MAN1A2: variants seen among roughly 807,000 people sequenced by gnomAD.
MAN1A2 encodes the protein mannosidase alpha class 1A member 2.
In MAN1A2, 26 loss-of-function variants were observed where a neutral mutation model predicts 75.7. The observed-to-expected ratio is 0.34, with a 90% CI of 0.25 to 0.48. MAN1A2 has a LOEUF of 0.48. MAN1A2 is among the 20% of genes least tolerant of loss of function. MAN1A2 has a pLI of 0.99. For missense variants in MAN1A2, 562 were observed against 775.5 expected (o/e 0.72, Z 3.27); for synonymous variants, 247 against 264.6 (o/e 0.93, Z 0.65).
At chr1:117,445,033 A>G (rs1042059827) in intron 6 of MAN1A2, among the ~76,000 whole-genome samples, 4 of 152,066 alleles carry the variant, frequency 2.6e-5, no homozygotes, top group African/African-American at 7.2e-5. Context: ...ATTTCCTTCT[A>G]TTCCTATTTC....
In MAN1A2 at chr1:117,460,669, C is replaced by G. The variant is rs1476959666; in HGVS notation, c.1074+57C>G. ...TTATAAAGAGTCCTTTAAGATTGGCCCAAAGATTTGATTAATGCTTAAAAG... is the reference window on the plus strand; with the variant it reads ...TTATAAAGAGTCCTTTAAGATTGGCGCAAAGATTTGATTAATGCTTAAAAG... On this transcript the variant is annotated intron_variant, in intron 7 of 12. Transcript: ENST00000356554. The G allele has an allele frequency of 7.3e-6, 11 of 1,501,244 alleles. No individual in the cohort carries two copies. The East Asian group carries it at 2.6e-4, about 36-fold the overall frequency. 93.0% of individuals were successfully genotyped at this position (1,501,244 alleles called of 1,614,324 possible).
rs551505802 is a variant in MAN1A2 at position 117,524,128 on chromosome 1, A to G, written c.*1171A>G. On this transcript the variant is annotated 3_prime_UTR_variant, in exon 13 of 13. Coordinates refer to ENST00000356554, the MANE Select transcript of MAN1A2 (RefSeq NM_006699.5). The stretch of plus-strand genomic sequence containing the variant: ...TGTTTTTTTAATTTTCTCCAAGAAT[A>G]TTTATAGAATTCCAAAGAATCAGAA... 9.2e-5 allele frequency: 14 copies of G among 152,264 alleles called. No homozygotes were observed. Among genetic ancestry groups the G allele is most frequent in the African/African-American group, 2.2e-4 (9 of 41,476 alleles). The allele number at this position is 152,264 out of a possible 1,614,324, so 9.4% of individuals were successfully genotyped here.
At chr1:117,393,840 GGATGTGAAT>G (rs1653815304) in intron 1 of MAN1A2, among the ~76,000 whole-genome samples, 1 of 152,094 alleles carries the variant, frequency 6.6e-6, no homozygotes, top group African/African-American at 2.4e-5. Context: ...AGGTAGTAAT[GGATGTGAAT>G]GAAAGCTGAT....
chr1:117,514,181 G>A (rs1314786239), intron 12 of MAN1A2, among the ~76,000 whole-genome samples: 2 of 151,816 alleles, frequency 1.3e-5, no homozygotes, highest in African/African-American at 4.8e-5. Context: ...TGGCCAACAT[G>A]GTGAAACCCC....
At chr1:117,414,022 T>C (rs954684560) in intron 3 of MAN1A2, among the ~76,000 whole-genome samples, 1 of 151,890 alleles carries the variant, frequency 6.6e-6, no homozygotes, top group African/African-American at 2.4e-5. Context: ...TTCCCTCTCT[T>C]CCTCCCTTTC....
intron 12 of MAN1A2, chr1:117,515,807 G>C (rs1213208022): frequency 6.6e-6 from 1 of 152,110 alleles, no homozygotes; most frequent in Non-Finnish European, 1.5e-5. Flanking sequence ...TTGGTTACCA[G>C]GGACCTGGGG....
At chr1:117,371,249 T>C (rs1436402988) in intron 1 of MAN1A2, among the ~76,000 whole-genome samples, 1 of 152,232 alleles carries the variant, frequency 6.6e-6, no homozygotes, top group Non-Finnish European at 1.5e-5. Flanking sequence ...AGAAGTATAC[T>C]AGGATCTTAT....
At chr1:117,389,093 G>C (rs1653636181) in intron 1 of MAN1A2, among the ~76,000 whole-genome samples, 1 of 152,116 alleles carries the variant, frequency 6.6e-6, no homozygotes, top group Admixed American at 6.5e-5. Context: ...ATGTCAATGA[G>C]AATGACTACT....
chr1:117,485,204 G>C (rs959507338), intron 8 of MAN1A2, among the ~76,000 whole-genome samples: 2 of 151,882 alleles, frequency 1.3e-5, no homozygotes, highest in Non-Finnish European at 2.9e-5. Flanking sequence ...ATTCATGATA[G>C]GACAAACAAT....
At chr1:117,477,376 C>G (rs1650348558) in intron 8 of MAN1A2, among the ~76,000 whole-genome samples, 1 of 151,912 alleles carries the variant, frequency 6.6e-6, no homozygotes, top group Admixed American at 6.6e-5. Flanking sequence ...AACATCGATG[C>G]AAAAATCCTC....
chr1:117,481,629 G>A (rs1445840970), intron 8 of MAN1A2, among the ~76,000 whole-genome samples: 1 of 151,992 alleles, frequency 6.6e-6, no homozygotes, highest in Non-Finnish European at 1.5e-5. Flanking sequence ...TAGATGACAA[G>A]TTGGCTGAAG....
At chr1:117,438,924 G>A (rs1000609192) in intron 5 of MAN1A2, among the ~76,000 whole-genome samples, 1 of 152,168 alleles carries the variant, frequency 6.6e-6, no homozygotes, top group African/African-American at 2.4e-5. Context: ...ACTGTTAGCA[G>A]TAAGCACCAA....
chr1:117,484,698 C>G (rs1650617200), intron 8 of MAN1A2, among the ~76,000 whole-genome samples: 1 of 151,908 alleles, frequency 6.6e-6, no homozygotes. Context: ...TGATTTAATA[C>G]TGCATCTTTA....
chr1:117,382,301 T>C (rs543680990), intron 1 of MAN1A2, among the ~76,000 whole-genome samples: 20 of 152,332 alleles, frequency 1.3e-4, no homozygotes, highest in Admixed American at 2.0e-4. Context: ...CTTCTAGGGT[T>C]TTTATGGTTT....
At chr1:117,497,059 G>T in intron 10 of MAN1A2, 77 bp downstream of exon 10, 1 of 1,144,072 alleles carries the variant, frequency 8.7e-7, no homozygotes, top group Non-Finnish European at 1.2e-6. Context: ...ATAAGAAGGA[G>T]AATATATAGG....
chr1:117,496,380 A>G (rs1396770399), intron 9 of MAN1A2, among the ~76,000 whole-genome samples: 1 of 152,004 alleles, frequency 6.6e-6, no homozygotes, highest in East Asian at 1.9e-4. Flanking sequence ...CCATTCCTAC[A>G]TCTTTTGAGA....
rs571685495 is a variant in MAN1A2, at chr1:117,490,760, G to A, written c.1169-2387G>A. 2.2e-4 allele frequency among the ~76,000 whole-genome samples: 33 copies of A among 152,188 alleles called. No homozygotes were observed. The South Asian group carries it at 6.8e-3, about 32-fold the overall frequency. On this transcript the variant is annotated intron_variant, in intron 8 of 12. Transcript: ENST00000356554. ...AGTTAGGCAGATTGTGAAAGGAAAG[G>A]AAAAGTTCTTGAAGGAAATTAAAAA... is the stretch of plus-strand genomic sequence containing the variant.
intron 12 of MAN1A2, among the ~76,000 whole-genome samples, chr1:117,507,634 A>G (rs1255210206): frequency 6.6e-6 from 1 of 151,706 alleles, no homozygotes; most frequent in Non-Finnish European, 1.5e-5. Flanking sequence ...TTAGTTGCTG[A>G]AGATTTTAGG....
intron 12 of MAN1A2, among the ~76,000 whole-genome samples, chr1:117,521,980 A>G (rs1290834938): frequency 6.6e-6 from 1 of 151,948 alleles, no homozygotes; most frequent in Non-Finnish European, 1.5e-5. Context: ...GAGCTAAGCT[A>G]TGAGGACACA....
Sources: gnomAD v4.1 joint callset for allele counts (sites outside exome capture counted in the v4.1 genomes callset) on GRCh38, gnomAD v4.1.1 for gene constraint, MANE v1.5 for transcripts, NCBI Gene and HGNC (gene_info 2026-07-23, HGNC 2026-07-21) for gene names.